The following TMEM178B variants were observed in gnomAD, a reference collection of about 807,000 sequenced individuals.
The protein encoded by TMEM178B is transmembrane protein 178B.
A neutral mutation model predicts 31.0 loss-of-function variants in TMEM178B; 5 were observed. The observed-to-expected ratio is 0.16, with a 90% CI of 0.08 to 0.34. TMEM178B has a LOEUF of 0.34. Ranked by LOEUF, TMEM178B falls within the 10% of genes least tolerant of loss-of-function variation. The pLI is 1.00. For missense variants in TMEM178B, 275 were observed against 400.3 expected, an observed-to-expected ratio of 0.69 and a Z score of 2.67; for synonymous variants, 164 against 164.0, an observed-to-expected ratio of 1.00 and a Z score of 0.00.
intron 3 of TMEM178B, among the ~76,000 whole-genome samples, chr7:141,464,135 G>A (rs931783374): frequency 5.3e-5 from 8 of 152,086 alleles, no homozygotes; most frequent in Non-Finnish European, 1.2e-4. Flanking sequence ...CCGTCTTACC[G>A]CAGGCACAGA....
intron 2 of TMEM178B, among the ~76,000 whole-genome samples, chr7:141,326,723 G>A (rs1345461929): frequency 6.6e-6 from 1 of 152,128 alleles, no homozygotes; most frequent in Non-Finnish European, 1.5e-5. Flanking sequence ...GAGATGGTTT[G>A]GCCCACAAAG....
chr7:141,136,721 A>G (rs1399378763), intron 1 of TMEM178B, among the ~76,000 whole-genome samples: 1 of 152,140 alleles, frequency 6.6e-6, no homozygotes, highest in South Asian at 2.1e-4. Context: ...AAAGTGGGCA[A>G]TCGGCACAGT....
At chr7:141,254,077 G>C (rs1797881845) in intron 2 of TMEM178B, among the ~76,000 whole-genome samples, 1 of 152,186 alleles carries the variant, frequency 6.6e-6, no homozygotes, top group Admixed American at 6.5e-5. Context: ...AGTGGGGCTT[G>C]CCTGGACTCT....
chr7:141,324,447 T>G (rs903344265), intron 2 of TMEM178B, among the ~76,000 whole-genome samples: 13 of 109,800 alleles, frequency 1.2e-4, no homozygotes, highest in South Asian at 3.3e-4. Flanking sequence ...TTTTTTTTTT[T>G]TTTTTTCCTG....
chr7:141,283,797 A>G (rs948703217), intron 2 of TMEM178B, among the ~76,000 whole-genome samples: 1 of 152,154 alleles, frequency 6.6e-6, no homozygotes, highest in Non-Finnish European at 1.5e-5. Flanking sequence ...GACCAGAATG[A>G]TCTTGATACT....
intron 1 of TMEM178B, among the ~76,000 whole-genome samples, chr7:141,176,837 T>C (rs1796442547): frequency 6.6e-6 from 1 of 152,168 alleles, no homozygotes; most frequent in African/African-American, 2.4e-5. Context: ...TCTATTTGAT[T>C]CTTCTCTCTT....
In TMEM178B at chr7:141,081,156, C is replaced by T. The variant is rs149753872; in HGVS notation, c.382+6464C>T. 1.8e-3 allele frequency among the ~76,000 whole-genome samples: 272 copies of T among 152,208 alleles called. 1 individual carries two copies. The highest frequency in any genetic ancestry group is 6.2e-3 in the African/African-American group (256 of 41,518). On this transcript the variant is annotated intron_variant, in intron 1 of 3. Transcript: ENST00000565468. ...TCAGGAGGTGACAGCTCCATGTGCA[C>T]CATTGCCCCTGAAGACTTTCCAGTG...
chr7:141,124,053 C>A (rs1251822609), intron 1 of TMEM178B, among the ~76,000 whole-genome samples: 2 of 152,124 alleles, frequency 1.3e-5, no homozygotes, highest in African/African-American at 2.4e-5. Context: ...CCATCCCAGG[C>A]CTGAACACTC....
At chr7:141,440,514 TG>T (rs1801637994) in intron 3 of TMEM178B, among the ~76,000 whole-genome samples, 2 of 151,794 alleles carry the variant, frequency 1.3e-5, no homozygotes, top group African/African-American at 4.8e-5. Context: ...AGACCTCTCA[TG>T]TTTTTTTTTT....
intron 1 of TMEM178B, among the ~76,000 whole-genome samples, chr7:141,124,944 C>T (rs1184762207): frequency 1.3e-5 from 2 of 152,196 alleles, no homozygotes; most frequent in African/African-American, 2.4e-5. Context: ...TGTAAGAAAG[C>T]TTCCAGAATT....
the TMEM178B span, among the ~76,000 whole-genome samples, chr7:141,507,125 G>A: frequency 6.6e-6 from 1 of 152,162 alleles, no homozygotes; most frequent in Non-Finnish European, 1.5e-5. Flanking sequence ...AGTGTCTGCA[G>A]CTTTTCTAGG....
chr7:141,450,338 C>T (rs1379554867), intron 3 of TMEM178B, among the ~76,000 whole-genome samples: 3 of 152,232 alleles, frequency 2.0e-5, no homozygotes, highest in East Asian at 1.9e-4. Context: ...GTACCTACTA[C>T]GTCCTGGGTG....
intron 1 of TMEM178B, among the ~76,000 whole-genome samples, chr7:141,185,728 GACAA>G (rs1250072285): frequency 6.6e-6 from 1 of 152,090 alleles, no homozygotes; most frequent in Non-Finnish European, 1.5e-5. Flanking sequence ...CATTTGGGCA[GACAA>G]ACAAAAATGC....
chr7:141,179,306 A>C (rs1796480495), intron 1 of TMEM178B, among the ~76,000 whole-genome samples: 1 of 152,368 alleles, frequency 6.6e-6, no homozygotes, highest in East Asian at 1.9e-4. Context: ...AAGGGTTAAT[A>C]ATAATTTAGG....
At chr7:141,488,734 G>T in the TMEM178B span, among the ~76,000 whole-genome samples, 13 of 152,106 alleles carry the variant, frequency 8.5e-5, no homozygotes, top group East Asian at 2.3e-3. Flanking sequence ...CACCGCGCCC[G>T]GCCTGCATTT....
At chr7:141,467,364 CCACACACATG>C (rs928004892) in intron 3 of TMEM178B, among the ~76,000 whole-genome samples, 1 of 152,142 alleles carries the variant, frequency 6.6e-6, no homozygotes, top group African/African-American at 2.4e-5. Context: ...ACAAATGCAT[CCACACACATG>C]CACAAATACA....
intron 2 of TMEM178B, among the ~76,000 whole-genome samples, chr7:141,252,483 G>A (rs2159761): frequency 0.43 from 65,952 of 152,052 alleles, 14,528 homozygotes; most frequent in East Asian, 0.66. Flanking sequence ...CGATGTAGAC[G>A]TCACTCTAGT....
intron 1 of TMEM178B, among the ~76,000 whole-genome samples, chr7:141,207,488 G>C (rs1462653518): frequency 6.6e-6 from 1 of 152,178 alleles, no homozygotes; most frequent in Non-Finnish European, 1.5e-5. Context: ...CATCCTAACA[G>C]GTATGAGGTG....
intron 1 of TMEM178B, among the ~76,000 whole-genome samples, chr7:141,193,753 C>CA (rs1409928841): frequency 6.6e-6 from 1 of 152,212 alleles, no homozygotes; most frequent in Non-Finnish European, 1.5e-5. Context: ...ACAAGCACAA[C>CA]AGCCCCAGCC....
Sources: gnomAD v4.1 joint callset for allele counts (sites outside exome capture counted in the v4.1 genomes callset) on GRCh38, gnomAD v4.1.1 for gene constraint, MANE v1.5 for transcripts, NCBI Gene and HGNC (gene_info 2026-07-23, HGNC 2026-07-21) for gene names.